AFAP1L2: variants seen among roughly 807,000 people sequenced by gnomAD.
AFAP1L2 encodes actin filament-associated protein 1-like 2.
In AFAP1L2, 46 loss-of-function variants were observed where a neutral mutation model predicts 99.3. The observed-to-expected ratio is 0.46, with a 90% CI of 0.37 to 0.59. The LOEUF (loss-of-function observed/expected upper bound fraction) is 0.59. AFAP1L2 is among the 20% of genes least tolerant of loss of function. The pLI, the probability that AFAP1L2 is intolerant of heterozygous loss-of-function variation, is 0.00. For missense variants in AFAP1L2, 959 were observed against 1,034.9 expected (o/e 0.93, Z 1.01); for synonymous variants, 397 against 419.1 (o/e 0.95, Z 0.64).
intron 4 of AFAP1L2, among the ~76,000 whole-genome samples, chr10:114,324,642 G>T (rs187591573): frequency 5.1e-4 from 78 of 152,332 alleles, no homozygotes; most frequent in African/African-American, 1.6e-3. Context: ...TCCCACTCTT[G>T]ATTTTGAGAA....
At chr10:114,302,836 A>AATG (rs1485093149) in intron 11 of AFAP1L2, among the ~76,000 whole-genome samples, 1 of 152,232 alleles carries the variant, frequency 6.6e-6, no homozygotes, top group Admixed American at 6.5e-5. Context: ...TAGTTTTTAA[A>AATG]ATGATTAAAA....
intron 1 of AFAP1L2, among the ~76,000 whole-genome samples, chr10:114,384,524 C>T (rs1012431124): frequency 6.6e-5 from 10 of 152,302 alleles, no homozygotes; most frequent in African/African-American, 2.2e-4. Context: ...TGTGGCTGAA[C>T]GTTGCCTGGG....
In AFAP1L2 at chr10:114,322,011, G is replaced by T. The variant is rs191137832; in HGVS notation, c.406+1160C>A. On this transcript the variant is annotated intron_variant, in intron 5 of 18. Coordinates refer to ENST00000304129, the MANE Select transcript of AFAP1L2 (RefSeq NM_001001936.3). ...GGTGGGAGGTAATTGAATCATGGGG[G>T]TGAGTCTTTCCCATGCTGTTCTCGT... Among the ~76,000 whole-genome samples, 348 of 152,274 alleles carry T rather than the reference G, an allele frequency of 2.3e-3. 1 individual carries two copies. The highest frequency in any genetic ancestry group is 7.1e-3 in the African/African-American group (295 of 41,546).
At chr10:114,286,137 A>T in the AFAP1L2 span, 1 of 1,613,972 alleles carries the variant, frequency 6.2e-7, no homozygotes, top group Non-Finnish European at 8.5e-7. Context: ...CCTGTGGGGG[A>T]GTACCAGGAT....
rs7100146 is a variant in AFAP1L2, at chr10:114,300,098, C to A, written c.1957+96G>T. On this transcript the variant is annotated intron_variant, in intron 15 of 18. Transcript: ENST00000304129. ...GTGAGTCAATTCTCCTTAATAAACG[C>A]CCTTTCATATATACATCTATCCTAT... is the stretch of plus-strand genomic sequence containing the variant. The A allele has an allele frequency of 1.6e-3, 2,442 of 1,531,336 alleles. 30 individuals carry two copies. The African/African-American group carries it at 0.029, about 18-fold the overall frequency. The allele number at this position is 1,531,336 out of a possible 1,614,324, so 94.9% of individuals were successfully genotyped here. A position where few individuals can be genotyped will look rare whatever the true frequency, so the allele number is the denominator to read the frequency against.
chr10:114,341,738 C>T (rs1021342540), intron 1 of AFAP1L2, among the ~76,000 whole-genome samples: 1 of 152,170 alleles, frequency 6.6e-6, no homozygotes, highest in African/African-American at 2.4e-5. Context: ...CTCCACAGCC[C>T]GGACACAGCA....
intron 1 of AFAP1L2, among the ~76,000 whole-genome samples, chr10:114,363,958 A>G (rs896237751): frequency 1.7e-4 from 4 of 22,978 alleles, no homozygotes; most frequent in Middle Eastern, 0.042. Flanking sequence ...GATTTGAGCC[A>G]GGATCCTAAA....
intron 1 of AFAP1L2, among the ~76,000 whole-genome samples, chr10:114,352,480 A>AAAAAAC (rs1491479440): frequency 8.1e-4 from 7 of 8,610 alleles, no homozygotes; most frequent in Non-Finnish European, 1.3e-3. Context: ...TCTCCAAATT[A>AAAAAAC]AAAAAAAAAA....
At chr10:114,305,091 G>T (rs1379141764) in intron 10 of AFAP1L2, 161 bp from the exon 11 acceptor site, 11 of 617,116 alleles carry the variant, frequency 1.8e-5, no homozygotes, top group Admixed American at 4.9e-5. Flanking sequence ...CTCCAGGAGG[G>T]GACGCAGATG....
chr10:114,356,444 A>G (rs2051401700), intron 1 of AFAP1L2, among the ~76,000 whole-genome samples: 1 of 152,240 alleles, frequency 6.6e-6, no homozygotes, highest in African/African-American at 2.4e-5. Context: ...TATTGATGAC[A>G]TGTTGAAATG....
At chr10:114,316,484 C>T (rs2044166748) in intron 5 of AFAP1L2, among the ~76,000 whole-genome samples, 1 of 152,232 alleles carries the variant, frequency 6.6e-6, no homozygotes, top group African/African-American at 2.4e-5. Context: ...CCCTCCCTGC[C>T]TAATACCTCC....
chr10:114,404,408 G>C, intron 1 of AFAP1L2, 32 bp downstream of exon 1: 1 of 1,536,754 alleles, frequency 6.5e-7, no homozygotes, highest in Non-Finnish European at 8.8e-7. Context: ...AAGGGAGTGG[G>C]TGTGCGCCGC....
At chr10:114,289,108 A>T in the AFAP1L2 span, 3 of 1,614,116 alleles carry the variant, frequency 1.9e-6, no homozygotes, top group South Asian at 2.2e-5. Flanking sequence ...CCAGGTGCAG[A>T]CTGCCTTCGG....
chr10:114,354,755 C>T (rs1036372824), intron 1 of AFAP1L2, among the ~76,000 whole-genome samples: 1 of 152,182 alleles, frequency 6.6e-6, no homozygotes, highest in Admixed American at 6.5e-5. Context: ...TCAGAAGGAA[C>T]AAAGCTAATA....
At chr10:114,289,810 A>G in the AFAP1L2 span, 1 of 400,746 alleles carries the variant, frequency 2.5e-6, no homozygotes, top group Admixed American at 3.7e-5. Flanking sequence ...CCACATTCAC[A>G]CTGACTTGGG....
At chr10:114,343,786 C>A (rs1260678306) in intron 1 of AFAP1L2, among the ~76,000 whole-genome samples, 1 of 152,184 alleles carries the variant, frequency 6.6e-6, no homozygotes, top group Non-Finnish European at 1.5e-5. Flanking sequence ...CCCAGGGGAG[C>A]TTCTCTGCTG....
intron 4 of AFAP1L2, chr10:114,325,796 T>C: frequency 8.7e-7 from 1 of 1,150,916 alleles, no homozygotes; most frequent in East Asian, 5.9e-5. Context: ...GCCAGCAGCC[T>C]GAGAAAAGGC....
intron 1 of AFAP1L2, among the ~76,000 whole-genome samples, chr10:114,359,632 C>G (rs2051926506): frequency 6.6e-6 from 1 of 152,198 alleles, no homozygotes; most frequent in African/African-American, 2.4e-5. Flanking sequence ...TTAATCAAAG[C>G]CTTTTCCTCT....
intron 1 of AFAP1L2, among the ~76,000 whole-genome samples, chr10:114,360,865 A>C (rs2052299176): frequency 6.6e-6 from 1 of 152,042 alleles, no homozygotes; most frequent in Non-Finnish European, 1.5e-5. Context: ...TTCCACATGC[A>C]TTTTCTTTTT....
Sources: allele counts gnomAD v4.1 joint callset (sites outside exome capture counted in the v4.1 genomes callset), GRCh38; gene constraint gnomAD v4.1.1; transcripts MANE v1.5; gene names NCBI Gene and HGNC (gene_info 2026-07-23, HGNC 2026-07-21).